The following MORF4L1 variants were observed in gnomAD, a reference collection of about 807,000 sequenced individuals.
MORF4L1 encodes the protein mortality factor 4 like 1.
In MORF4L1, 4 loss-of-function variants were observed where a neutral mutation model predicts 52.9. That is an observed-to-expected ratio of 0.08 (90% CI 0.04 to 0.17). The LOEUF (loss-of-function observed/expected upper bound fraction) is 0.17. Among genes scored for constraint, MORF4L1 ranks in the 10% least tolerant of loss-of-function variants. The pLI is 1.00. For synonymous variants in MORF4L1, 123 were observed against 134.8 expected, an observed-to-expected ratio of 0.91 and a Z score of 0.61; for missense variants, 214 against 390.4, an observed-to-expected ratio of 0.55 and a Z score of 3.81.
In MORF4L1 at chr15:78,897,314, A is replaced by G. The variant is rs979946685; in HGVS notation, c.*247A>G. 10 of 340,994 alleles carry G rather than the reference A, an allele frequency of 2.9e-5. No individual in the cohort carries two copies. The Admixed American group carries it at 3.9e-4, about 13-fold the overall frequency. The allele number at this position is 340,994 out of a possible 1,614,324, so 21.1% of individuals were successfully genotyped here. A position where few individuals can be genotyped will look rare whatever the true frequency, so the allele number is the denominator to read the frequency against. ...TGGACAACAGAGGGATATGCTGTAG[A>G]GTGTTTTATTGCCTAGTTGACAAAG... On this transcript the variant is annotated 3_prime_UTR_variant, in exon 12 of 12. Coordinates refer to ENST00000426013, the MANE Select transcript of MORF4L1 (RefSeq NM_006791.4).
intron 3 of MORF4L1, among the ~76,000 whole-genome samples, chr15:78,882,088 G>T (rs904590697): frequency 6.6e-6 from 1 of 152,204 alleles, no homozygotes; most frequent in African/African-American, 2.4e-5. Context: ...AATGTGGAAA[G>T]GTAGAAATCT....
At chr15:78,888,801 ACT>A (rs2056750347) in intron 5 of MORF4L1, among the ~76,000 whole-genome samples, 1 of 152,006 alleles carries the variant, frequency 6.6e-6, no homozygotes, top group Admixed American at 6.6e-5. Context: ...TTTTTTTTAA[ACT>A]CTTTTTGGTG....
chr15:78,879,563 A>T (rs1248284809), intron 2 of MORF4L1, among the ~76,000 whole-genome samples: 2 of 152,132 alleles, frequency 1.3e-5, no homozygotes, highest in Non-Finnish European at 2.9e-5. Context: ...CTGAATTTGG[A>T]TGTATGGAGA....
chr15:78,887,177 TTGAA>T, intron 4 of MORF4L1, 88 bp from the exon 5 acceptor site: 3 of 1,084,744 alleles, frequency 2.8e-6, no homozygotes, highest in Non-Finnish European at 4.1e-6. Context: ...TTGCCAGAAT[TTGAA>T]TGTAAATTCC....
At chr15:78,878,114 G>T in intron 1 of MORF4L1, 99 bp from the exon 2 acceptor site, 1 of 1,247,852 alleles carries the variant, frequency 8.0e-7, no homozygotes, top group Non-Finnish European at 1.1e-6. Flanking sequence ...TCCTAATTTG[G>T]CTAGGAATAC....
intron 4 of MORF4L1, 86 bp downstream of exon 4, chr15:78,886,313 GCTGCC>G: frequency 8.5e-7 from 1 of 1,173,398 alleles, no homozygotes; most frequent in Middle Eastern, 1.9e-4. Flanking sequence ...GATCATGTTG[GCTGCC>G]CTGCCTATAA....
chr15:78,890,272 G>A lies in MORF4L1; in HGVS notation c.324-717G>A, dbSNP rs190613595. ...GTATATAAGTGACGTGAGGTAAGTTGCTGTTAGAGATGATAATCAAGATGA... is the reference window on the plus strand; with the variant it reads ...GTATATAAGTGACGTGAGGTAAGTTACTGTTAGAGATGATAATCAAGATGA... On this transcript the variant is annotated intron_variant, in intron 5 of 11. Transcript: ENST00000426013. Among the ~76,000 whole-genome samples, 506 of 152,006 alleles carry A rather than the reference G, an allele frequency of 3.3e-3. 1 individual carries two copies. The highest frequency in any genetic ancestry group is 9.9e-3 in the African/African-American group (410 of 41,440).
intron 3 of MORF4L1, among the ~76,000 whole-genome samples, chr15:78,883,507 A>C (rs188308637): frequency 5.5e-4 from 84 of 152,338 alleles, no homozygotes; most frequent in South Asian, 8.3e-4. Context: ...GTTTCGAAAA[A>C]TAATGGGCAT....
chr15:78,885,043 G>T, intron 3 of MORF4L1: 1 of 1,614,052 alleles, frequency 6.2e-7, no homozygotes, highest in Non-Finnish European at 8.5e-7. Context: ...TCCTGTTCCT[G>T]AAGGAGCTCC....
At chr15:78,877,781 C>T (rs1217609546) in intron 1 of MORF4L1, 1 of 153,574 alleles carries the variant, frequency 6.5e-6, no homozygotes, top group Non-Finnish European at 1.4e-5. Context: ...TTAATTTGTA[C>T]GATATTTCAC....
chr15:78,878,209 AC>A lies in MORF4L1; in HGVS notation c.41-3del, dbSNP rs1350071612. On this transcript the variant is annotated splice_polypyrimidine_tract_variant and splice_region_variant and intron_variant, in intron 1 of 11. Coordinates refer to ENST00000426013, the MANE Select transcript of MORF4L1 (RefSeq NM_006791.4). ...ACAATTCAGTACTTTTTCTCCCTTT[AC>A]AGGTGAGCGAGTGCTGTGCTTTCAT... is the stretch of plus-strand genomic sequence containing the variant. 1 of 1,611,236 alleles carries A rather than the reference AC, an allele frequency of 6.2e-7. No individual in the cohort carries two copies. The highest frequency in any genetic ancestry group is 2.2e-5 in the East Asian group (1 of 44,870).
At chr15:78,887,073 T>G (rs2056718747) in intron 4 of MORF4L1, among the ~76,000 whole-genome samples, 196 bp from the exon 5 acceptor site, 1 of 152,250 alleles carries the variant, frequency 6.6e-6, no homozygotes, top group South Asian at 2.1e-4. Context: ...CAGTCACTTT[T>G]TATTACATTG....
At chr15:78,890,378 G>C (rs1014985047) in intron 5 of MORF4L1, among the ~76,000 whole-genome samples, 2 of 151,464 alleles carry the variant, frequency 1.3e-5, no homozygotes, top group African/African-American at 4.9e-5. Context: ...TTTAACCTTT[G>C]ACACCTTTTT....
chr15:78,885,056 C>G, intron 3 of MORF4L1: 1 of 1,613,850 alleles, frequency 6.2e-7, no homozygotes, highest in Non-Finnish European at 8.5e-7. Flanking sequence ...GGAGCTCCCT[C>G]AGTACACCAC....
chr15:78,886,372 T>C, intron 4 of MORF4L1, 145 bp downstream of exon 4: 1 of 715,426 alleles, frequency 1.4e-6, no homozygotes, highest in African/African-American at 1.8e-5. Flanking sequence ...CAGCTTTGAC[T>C]TCAAGCGATC....
At chr15:78,895,381 G>C (rs2056870210) in intron 11 of MORF4L1, among the ~76,000 whole-genome samples, 1 of 152,140 alleles carries the variant, frequency 6.6e-6, no homozygotes, top group Non-Finnish European at 1.5e-5. Context: ...GCAGCACAAA[G>C]GACCATTAAA....
chr15:78,886,404 A>T (rs1326111958), intron 4 of MORF4L1, 177 bp downstream of exon 4: 1 of 617,054 alleles, frequency 1.6e-6, no homozygotes, highest in African/African-American at 1.8e-5. Flanking sequence ...AGGTAAAGGA[A>T]GTAGCATACC....
At chr15:78,891,137 C>T (rs536572165) in intron 6 of MORF4L1, 123 bp downstream of exon 6, 31 of 1,180,052 alleles carry the variant, frequency 2.6e-5, no homozygotes, top group Non-Finnish European at 3.6e-5. Flanking sequence ...ATAGGAGTCT[C>T]ACAGCAGTGT....
intron 4 of MORF4L1, 59 bp downstream of exon 4, chr15:78,886,286 A>G (rs2056701802): frequency 5.0e-6 from 7 of 1,407,580 alleles, no homozygotes; most frequent in Non-Finnish European, 7.1e-6. Flanking sequence ...AATTCTGGAC[A>G]TGGAATGAAC....
Sources: allele counts gnomAD v4.1 joint callset (sites outside exome capture counted in the v4.1 genomes callset), GRCh38; gene constraint gnomAD v4.1.1; transcripts MANE v1.5; gene names NCBI Gene and HGNC (gene_info 2026-07-23, HGNC 2026-07-21).